Variants in LRRTM2 observed in about 807,000 individuals in gnomAD.
The protein encoded by LRRTM2 is leucine rich repeat transmembrane neuronal 2.
LRRTM2 carries 14 observed loss-of-function variants against 40.7 expected under a neutral mutation model. That is an observed-to-expected ratio of 0.34 (90% CI 0.23 to 0.54). The LOEUF (loss-of-function observed/expected upper bound fraction) is 0.54. Among genes scored for constraint, LRRTM2 ranks in the 20% least tolerant of loss-of-function variants. The pLI is 0.92. For synonymous variants in LRRTM2, 223 were observed against 237.6 expected (o/e 0.94, Z 0.57); for missense variants, 468 against 624.4 (o/e 0.75, Z 2.67).
At position 138,870,186 on chromosome 5, in the gene LRRTM2, C is replaced by T. The variant is rs1254912934; in HGVS notation, c.*2824G>A. 1 of 152,198 alleles carries T rather than the reference C, an allele frequency of 6.6e-6. No homozygotes were observed. The highest frequency in any genetic ancestry group is 1.9e-4 in the East Asian group (1 of 5,202). The allele number at this position is 152,198 out of a possible 1,614,324, so 9.4% of individuals were successfully genotyped here. On this transcript the variant is annotated 3_prime_UTR_variant, in exon 2 of 2. Coordinates refer to ENST00000274711, the MANE Select transcript of LRRTM2 (RefSeq NM_015564.3). ...AGCTCTGACACTGTGTAACCAAGAT[C>T]CGCAGCGTTGCTGTGATGCTGTTCC...
At position 138,871,748 on chromosome 5, in the gene LRRTM2, A is replaced by G. The variant is rs1750649900; in HGVS notation, c.*1262T>C. The G allele has an allele frequency of 6.6e-6, 1 of 152,202 alleles. No homozygotes were observed. The highest frequency in any genetic ancestry group is 2.1e-4 in the South Asian group (1 of 4,828). 9.4% of individuals were successfully genotyped at this position (152,202 alleles called of 1,614,324 possible). On this transcript the variant is annotated 3_prime_UTR_variant, in exon 2 of 2. Coordinates refer to ENST00000274711, the MANE Select transcript of LRRTM2 (RefSeq NM_015564.3). ...GTCGAGTTGTTCTGCCATGAGATTC[A>G]TCTCAGTGGTGCTGTTTTCTTCACC... is the stretch of plus-strand genomic sequence containing the variant.
rs879577385 is a variant in LRRTM2 at position 138,875,272 on chromosome 5, A to G, written c.-361T>C. On this transcript the variant is annotated 5_prime_UTR_variant, in exon 1 of 2. Transcript: ENST00000274711. ...GGCAGATGGGTGGCTTGTTGCAGAGAAGAGCTCCTGGAGCAGCATGAGTGC... is the reference window on the plus strand; with the variant it reads ...GGCAGATGGGTGGCTTGTTGCAGAGGAGAGCTCCTGGAGCAGCATGAGTGC... The G allele has an allele frequency of 1.0e-4, 46 of 459,100 alleles. No homozygotes were observed. The highest frequency in any genetic ancestry group is 1.3e-4 in the Non-Finnish European group (43 of 329,920). 28.4% of individuals were successfully genotyped at this position (459,100 alleles called of 1,614,324 possible).
Position 138,873,016 on chromosome 5 carries a change from T to C in LRRTM2, c.1545A>G (p.Glu515=), listed in dbSNP as rs1385568048. Residue 515 remains glutamate, a synonymous_variant, in exon 2 of 2, where the codon GAA becomes GAG. Transcript: ENST00000274711. This position sits in a 1 kb window ranked among gnomAD's most constrained non-coding sequence, Gnocchi z 6.1. ...TTTTGATGATGGGTAGATATTATACTTCACATTCTTTGTATGGCAGCTGCT... is the reference window on the plus strand; with the variant it reads ...TTTTGATGATGGGTAGATATTATACCTCACATTCTTTGTATGGCAGCTGCT... ...KCQQLPYKEC[E]V 4.4e-6 allele frequency: 7 copies of C among 1,603,310 alleles called. No homozygotes were observed. Among genetic ancestry groups the C allele is most frequent in the Non-Finnish European group, 6.0e-6 (7 of 1,173,710 alleles).
At position 138,874,294 on chromosome 5, in the gene LRRTM2, C is replaced by A; in HGVS notation, c.267G>T (p.Trp89Cys). The change falls in exon 2 of 2, where the codon TGG becomes TGT. Residue 89 changes from tryptophan (W) to cysteine (C), a missense_variant. Coordinates refer to ENST00000274711, the MANE Select transcript of LRRTM2 (RefSeq NM_015564.3). This position sits in a 1 kb window ranked among gnomAD's most constrained non-coding sequence, Gnocchi z 4.1. ...AAATTTGATTGTGATCTAAGTGGAG[C>A]CAAGTAAGTTGACTGAAGCTGGCAA... is the stretch of plus-strand genomic sequence containing the variant. ...DQFASFSQLT[W>C]LHLDHNQIST... The A allele has an allele frequency of 6.2e-7, 1 of 1,613,952 alleles. No individual in the cohort carries two copies. The highest frequency in any genetic ancestry group is 8.5e-7 in the Non-Finnish European group (1 of 1,179,886).
rs1368249105 is a variant in LRRTM2 at position 138,872,054 on chromosome 5, G to T, written c.*956C>A. On this transcript the variant is annotated 3_prime_UTR_variant, in exon 2 of 2. Transcript: ENST00000274711. ...TGTGTGTGTGTGTGTGTGTGTGTGT[G>T]TGTGTGTGTGTGTGCGCTTTTAAAT... 7.2e-6 allele frequency: 1 copy of T among 138,840 alleles called. No individual in the cohort carries two copies. The highest frequency in any genetic ancestry group is 2.8e-5 in the African/African-American group (1 of 35,392). The allele number at this position is 138,840 out of a possible 1,614,324, so 8.6% of individuals were successfully genotyped here. A position where few individuals can be genotyped will look rare whatever the true frequency, so the allele number is the denominator to read the frequency against.
rs1264204289 is a variant in LRRTM2, at chr5:138,872,520, G to A, written c.*490C>T. On this transcript the variant is annotated 3_prime_UTR_variant, in exon 2 of 2. Coordinates refer to ENST00000274711, the MANE Select transcript of LRRTM2 (RefSeq NM_015564.3). ...ACATGAAATTCTACTTCCCACCCTG[G>A]CAAGAAATTGAAGATTTGAGTAAAT... 3.9e-5 allele frequency: 6 copies of A among 152,528 alleles called. No homozygotes were observed. Among genetic ancestry groups the A allele is most frequent in the Non-Finnish European group, 7.3e-5 (5 of 68,250 alleles). The allele number at this position is 152,528 out of a possible 1,614,324, so 9.4% of individuals were successfully genotyped here.
rs1359523156 is a variant in LRRTM2 at position 138,874,756 on chromosome 5, C to CA, written c.4+151dup. Among the ~76,000 whole-genome samples the CA allele has an allele frequency of 6.6e-6, 1 of 152,118 alleles. No individual in the cohort carries two copies. The highest frequency in any genetic ancestry group is 2.4e-5 in the African/African-American group (1 of 41,410). On this transcript the variant is annotated intron_variant, in intron 1 of 1. Transcript: ENST00000274711. The surrounding 1 kb of genome is among the most constrained non-coding windows in gnomAD (Gnocchi z 4.1). ...TAAGCCATTTAAAAAGAAGATAAAA[C>CA]ATGTCTCTGTCATCATCGATATATG...
Position 138,872,896 on chromosome 5 carries a change from T to C in LRRTM2, c.*114A>G, listed in dbSNP as rs1750813541. On this transcript the variant is annotated 3_prime_UTR_variant, in exon 2 of 2. Transcript: ENST00000274711. The stretch of plus-strand genomic sequence containing the variant: ...AACACTTCAAAAACTAAGTCTCCAC[T>C]TAGTTTGGAAAATTAGGCTTAATGT... 2 of 682,794 alleles carry C rather than the reference T, an allele frequency of 2.9e-6. No homozygotes were observed. The highest frequency in any genetic ancestry group is 2.3e-6 in the Non-Finnish European group (1 of 429,462). 42.3% of individuals were successfully genotyped at this position (682,794 alleles called of 1,614,324 possible). A position where few individuals can be genotyped will look rare whatever the true frequency, so the allele number is the denominator to read the frequency against.
At position 138,871,805 on chromosome 5, in the gene LRRTM2, T is replaced by A. The variant is rs1264920842; in HGVS notation, c.*1205A>T. On this transcript the variant is annotated 3_prime_UTR_variant, in exon 2 of 2. Transcript: ENST00000274711. Reference sequence around the variant, plus strand: ...GAACTACACTTACAGCGTGAATGCGTATCTTTATTGAAAGATCGAAATGTA... The same window carrying A: ...GAACTACACTTACAGCGTGAATGCGAATCTTTATTGAAAGATCGAAATGTA... 7.2e-5 allele frequency: 11 copies of A among 152,266 alleles called. No individual in the cohort carries two copies. Among genetic ancestry groups the A allele is most frequent in the Admixed American group, 6.5e-5 (1 of 15,290 alleles). The allele number at this position is 152,266 out of a possible 1,614,324, so 9.4% of individuals were successfully genotyped here. A position where few individuals can be genotyped will look rare whatever the true frequency, so the allele number is the denominator to read the frequency against.
chr5:138,873,983 A>T lies in LRRTM2; in HGVS notation c.578T>A (p.Leu193Ter). The part of the protein sequence containing the change: ...LEFLDLSTNR[L>*]RSLARNGFAG... ...AAATCCATTGCGAGCCAAACTTCGC[A>T]AACGATTTGTGCTCAAATCCAGAAA... Residue 193 changes from leucine (L) to a stop codon, truncating the protein, a stop_gained, in exon 2 of 2, where the codon TTG (leucine) becomes TAG (stop). Coordinates refer to ENST00000274711, the MANE Select transcript of LRRTM2 (RefSeq NM_015564.3). LOFTEE classifies it high-confidence loss of function. This position sits in a 1 kb window ranked among gnomAD's most constrained non-coding sequence, Gnocchi z 6.1. 6.2e-7 allele frequency: 1 copy of T among 1,614,018 alleles called. No homozygotes were observed.
Position 138,868,993 on chromosome 5 carries a change from C to G in LRRTM2, c.*4017G>C, listed in dbSNP as rs1237427193. Reference sequence around the variant, plus strand: ...CACTGCTCTTTATGTTACCCTCCCCCCTCCCAAAACACCCTGCATAATAGT... The same window carrying G: ...CACTGCTCTTTATGTTACCCTCCCCGCTCCCAAAACACCCTGCATAATAGT... On this transcript the variant is annotated 3_prime_UTR_variant, in exon 2 of 2. Coordinates refer to ENST00000274711, the MANE Select transcript of LRRTM2 (RefSeq NM_015564.3). The G allele has an allele frequency of 2.0e-5, 3 of 150,208 alleles. No homozygotes were observed. Among genetic ancestry groups the G allele is most frequent in the African/African-American group, 4.9e-5 (2 of 40,746 alleles). The allele number at this position is 150,208 out of a possible 1,614,324, so 9.3% of individuals were successfully genotyped here.
rs1765177479 is a variant in LRRTM2 at position 138,869,885 on chromosome 5, TCA to T, written c.*3123_*3124del. On this transcript the variant is annotated 3_prime_UTR_variant, in exon 2 of 2. Transcript: ENST00000274711. ...TTTTTGATGCTGGCAGTGGGTATTCTCAGAGTTGTGTGTGGATTTACAAGTTT... is the reference window on the plus strand; with the variant it reads ...TTTTTGATGCTGGCAGTGGGTATTCTGAGTTGTGTGTGGATTTACAAGTTT... The T allele has an allele frequency of 1.3e-5, 2 of 152,642 alleles. No homozygotes were observed. The highest frequency in any genetic ancestry group is 4.1e-4 in the South Asian group (2 of 4,832). 9.5% of individuals were successfully genotyped at this position (152,642 alleles called of 1,614,324 possible). A position where few individuals can be genotyped will look rare whatever the true frequency, so the allele number is the denominator to read the frequency against.
chr5:138,872,924 C>A lies in LRRTM2; in HGVS notation c.*86G>T. ...GTTTGGAAAATTAGGCTTAATGTCA[C>A]CATTGGTAAAAATTAGATATGTATT... On this transcript the variant is annotated 3_prime_UTR_variant, in exon 2 of 2. Coordinates refer to ENST00000274711, the MANE Select transcript of LRRTM2 (RefSeq NM_015564.3). The A allele has an allele frequency of 1.0e-6, 1 of 953,478 alleles. No homozygotes were observed. Among genetic ancestry groups the A allele is most frequent in the Non-Finnish European group, 1.5e-6 (1 of 658,740 alleles). 59.1% of individuals were successfully genotyped at this position (953,478 alleles called of 1,614,324 possible).
rs963879517 is a variant in LRRTM2 at position 138,869,550 on chromosome 5, A to G, written c.*3460T>C. On this transcript the variant is annotated 3_prime_UTR_variant, in exon 2 of 2. Coordinates refer to ENST00000274711, the MANE Select transcript of LRRTM2 (RefSeq NM_015564.3). ...TTTTATATTGATATCCACACTTCAG[A>G]AAAAGAACAGGACATTTATAGCTTT... The G allele has an allele frequency of 5.3e-5, 8 of 152,212 alleles. No individual in the cohort carries two copies. Among genetic ancestry groups the G allele is most frequent in the Non-Finnish European group, 7.3e-5 (5 of 68,030 alleles). 9.4% of individuals were successfully genotyped at this position (152,212 alleles called of 1,614,324 possible).
chr5:138,875,112 T>G lies in LRRTM2; in HGVS notation c.-201A>C, dbSNP rs1325845006. ...TCTGGAAAGCATTGGTTTCATTTTC[T>G]GTGATTGCTCTGATCCCTAAATCAG... On this transcript the variant is annotated 5_prime_UTR_variant, in exon 1 of 2. Transcript: ENST00000274711. 2 of 542,252 alleles carry G rather than the reference T, an allele frequency of 3.7e-6. No homozygotes were observed. Among genetic ancestry groups the G allele is most frequent in the African/African-American group, 1.9e-5 (1 of 51,472 alleles). The allele number at this position is 542,252 out of a possible 1,614,324, so 33.6% of individuals were successfully genotyped here.
chr5:138,870,679 C>A lies in LRRTM2; in HGVS notation c.*2331G>T, dbSNP rs1354694583. The A allele has an allele frequency of 6.6e-6, 1 of 152,306 alleles. No homozygotes were observed. Among genetic ancestry groups the A allele is most frequent in the East Asian group, 1.9e-4 (1 of 5,190 alleles). 9.4% of individuals were successfully genotyped at this position (152,306 alleles called of 1,614,324 possible). ...ATGATGGAAAATACTCCTCTGCTGT[C>A]CTTCAGGGCTGATGGAATCTTGTGT... On this transcript the variant is annotated 3_prime_UTR_variant, in exon 2 of 2. Coordinates refer to ENST00000274711, the MANE Select transcript of LRRTM2 (RefSeq NM_015564.3).
chr5:138,875,122 C>G lies in LRRTM2; in HGVS notation c.-211G>C, dbSNP rs753422348. ...ATTGGTTTCATTTTCTGTGATTGCTCTGATCCCTAAATCAGTTTTGAATAT... is the reference window on the plus strand; with the variant it reads ...ATTGGTTTCATTTTCTGTGATTGCTGTGATCCCTAAATCAGTTTTGAATAT... On this transcript the variant is annotated 5_prime_UTR_variant, in exon 1 of 2. Coordinates refer to ENST00000274711, the MANE Select transcript of LRRTM2 (RefSeq NM_015564.3). 3.9e-6 allele frequency: 2 copies of G among 514,142 alleles called. No individual in the cohort carries two copies. Among genetic ancestry groups the G allele is most frequent in the Admixed American group, 3.7e-5 (1 of 27,024 alleles). 31.8% of individuals were successfully genotyped at this position (514,142 alleles called of 1,614,324 possible).
chr5:138,874,291 G>C lies in LRRTM2; in HGVS notation c.270C>G (p.Leu90=). 6.2e-7 allele frequency: 1 copy of C among 1,613,996 alleles called. No homozygotes were observed. Among genetic ancestry groups the C allele is most frequent in the Non-Finnish European group, 8.5e-7 (1 of 1,179,902 alleles). The change falls in exon 2 of 2, where the codon CTC becomes CTG. Residue 90 remains leucine (L), a synonymous_variant. Transcript: ENST00000274711. This position sits in a 1 kb window ranked among gnomAD's most constrained non-coding sequence, Gnocchi z 4.1. The stretch of plus-strand genomic sequence containing the variant: ...TTGAAATTTGATTGTGATCTAAGTG[G>C]AGCCAAGTAAGTTGACTGAAGCTGG... The part of the protein sequence containing the change: ...QFASFSQLTW[L]HLDHNQISTV...
chr5:138,872,295 A>C lies in LRRTM2; in HGVS notation c.*715T>G, dbSNP rs1750742210. The C allele has an allele frequency of 6.6e-6, 1 of 152,600 alleles. No homozygotes were observed. The highest frequency in any genetic ancestry group is 2.1e-4 in the South Asian group (1 of 4,826). The allele number at this position is 152,600 out of a possible 1,614,324, so 9.5% of individuals were successfully genotyped here. ...CGAGAAATGTATAAGAAGTTGGTGTAATTATTTAGGATTGGTTTCATTGTA... is the reference window on the plus strand; with the variant it reads ...CGAGAAATGTATAAGAAGTTGGTGTCATTATTTAGGATTGGTTTCATTGTA... On this transcript the variant is annotated 3_prime_UTR_variant, in exon 2 of 2. Transcript: ENST00000274711.
Sources: allele counts gnomAD v4.1 joint callset (sites outside exome capture counted in the v4.1 genomes callset), GRCh38; gene constraint gnomAD v4.1.1; non-coding constraint Gnocchi (gnomAD v3.1); transcripts MANE v1.5; gene names NCBI Gene and HGNC (gene_info 2026-07-23, HGNC 2026-07-21).